MTHFS: variants seen among roughly 807,000 people sequenced by gnomAD.
MTHFS encodes the protein methenyltetrahydrofolate synthetase, also known as 5-formyltetrahydrofolate cyclo-ligase.
Under a neutral mutation model 12.7 loss-of-function variants are expected in MTHFS, and 7 were observed. The ratio of observed to expected loss-of-function variants is 0.55; its 90% CI spans 0.31 to 1.03. The LOEUF is 1.03. Ranked by LOEUF, MTHFS falls within the 50% of genes least tolerant of loss-of-function variation. The probability of loss-of-function intolerance (pLI) is 0.05; values close to 1 mark genes in which losing one functional copy is unlikely to be tolerated. For synonymous variants in MTHFS, 100 were observed against 97.1 expected (o/e 1.03, Z -0.18); for missense variants, 252 against 258.1 (o/e 0.98, Z 0.16).
At chr15:79,882,033 C>T (rs145173887) in intron 2 of MTHFS, among the ~76,000 whole-genome samples, 3 of 152,192 alleles carry the variant, frequency 2.0e-5, no homozygotes, top group African/African-American at 4.8e-5. Flanking sequence ...ATGGCATGTG[C>T]GATGTGCAAA....
chr15:79,851,732 CT>C (rs1406790086), intron 2 of MTHFS, among the ~76,000 whole-genome samples: 1 of 152,192 alleles, frequency 6.6e-6, no homozygotes, highest in Non-Finnish European at 1.5e-5. Context: ...AGAGACTCAG[CT>C]CATAAGAGGT....
chr15:79,871,666 C>G (rs1487733374), intron 2 of MTHFS, among the ~76,000 whole-genome samples: 1 of 151,466 alleles, frequency 6.6e-6, no homozygotes, highest in Non-Finnish European at 1.5e-5. Flanking sequence ...AAATTAATGC[C>G]AAACTTAAAG....
intron 2 of MTHFS, among the ~76,000 whole-genome samples, chr15:79,850,009 G>T (rs1341018373): frequency 3.3e-5 from 5 of 152,236 alleles, no homozygotes; most frequent in African/African-American, 1.2e-4. Context: ...AGGGGCATGG[G>T]CCCTCAGGCT....
chr15:79,889,456 T>C, intron 1 of MTHFS, 102 bp from the exon 2 acceptor site: 1 of 1,090,774 alleles, frequency 9.2e-7, no homozygotes, highest in Non-Finnish European at 1.2e-6. Context: ...TTTCTTTAAA[T>C]ATTAAAAAGA....
rs753635972 is a variant in MTHFS, at chr15:79,845,388, C to T, written c.434G>A (p.Arg145Gln). ...ATAGTAGCCCTTGCCCCTCCCCAGT[C>T]GGTTGCCATGTTTGTCAAACCCAAG... ...PGLGFDKHGNRLGRGKGYYDA... is the reference protein window; with the variant it reads ...PGLGFDKHGNQLGRGKGYYDA... Residue 145 changes from arginine to glutamine, a missense_variant, in exon 3 of 3, where the codon CGA becomes CAA. By Grantham distance (43) the Arg-to-Gln change is conservative. Transcript: ENST00000258874. 49 of 1,614,016 alleles carry T rather than the reference C, an allele frequency of 3.0e-5. No homozygotes were observed. Among genetic ancestry groups the T allele is most frequent in the Middle Eastern group, 1.6e-4 (1 of 6,084 alleles).
intron 2 of MTHFS, among the ~76,000 whole-genome samples, chr15:79,873,459 T>C (rs1017604695): frequency 6.6e-6 from 1 of 152,098 alleles, no homozygotes; most frequent in Admixed American, 6.6e-5. Context: ...ACATTATGCA[T>C]CTCTCCCACA....
intron 2 of MTHFS, among the ~76,000 whole-genome samples, chr15:79,848,856 C>T (rs2033664310): frequency 6.6e-6 from 1 of 152,084 alleles, no homozygotes; most frequent in South Asian, 2.1e-4. Flanking sequence ...CTCTTTCATC[C>T]TTGGATTTTA....
intron 2 of MTHFS, among the ~76,000 whole-genome samples, chr15:79,852,176 T>C (rs1468372288): frequency 1.3e-5 from 2 of 152,136 alleles, no homozygotes; most frequent in African/African-American, 2.4e-5. Flanking sequence ...TCATGATAGC[T>C]CTTGAGGCAG....
Position 79,889,993 on chromosome 15 carries a change from C to T in MTHFS, c.118-639G>A, listed in dbSNP as rs575080369. The stretch of plus-strand genomic sequence containing the variant: ...CTCTGAGGCAGAGAACATGCCTCTA[C>T]CATCCCCATCCCATTTCCTAAAATC... On this transcript the variant is annotated intron_variant, in intron 1 of 2. Coordinates refer to ENST00000258874, the MANE Select transcript of MTHFS (RefSeq NM_006441.4). Among the ~76,000 whole-genome samples the T allele has an allele frequency of 2.6e-5, 4 of 152,114 alleles. No individual in the cohort carries two copies. In the South Asian group the frequency reaches 6.2e-4, roughly 24 times the overall value.
At chr15:79,855,568 G>A (rs532548821) in intron 2 of MTHFS, among the ~76,000 whole-genome samples, 9 of 152,266 alleles carry the variant, frequency 5.9e-5, no homozygotes, top group African/African-American at 2.2e-4. Context: ...TGTTATACAA[G>A]TAAACTCATG....
At chr15:79,861,272 A>C (rs2033908584) in intron 2 of MTHFS, among the ~76,000 whole-genome samples, 1 of 152,088 alleles carries the variant, frequency 6.6e-6, no homozygotes, top group African/African-American at 2.4e-5. Context: ...TAAGACCAAA[A>C]CCTTGATCCT....
rs147755282 is a variant in MTHFS, at chr15:79,849,609, G to A, written c.380-4167C>T. Among the ~76,000 whole-genome samples, 336 of 152,306 alleles carry A rather than the reference G, an allele frequency of 2.2e-3. 1 individual carries two copies. Among genetic ancestry groups the A allele is most frequent in the Non-Finnish European group, 3.8e-3 (260 of 68,024 alleles). On this transcript the variant is annotated intron_variant, in intron 2 of 2. Transcript: ENST00000258874. ...GGAGACAGAAGAAAAACCTTAGTCC[G>A]TGCACAGTTCTGCATATGCCTCTGG...
intron 1 of MTHFS, 173 bp downstream of exon 1, chr15:79,896,699 C>G: frequency 8.2e-7 from 1 of 1,217,864 alleles, no homozygotes; most frequent in Non-Finnish European, 1.1e-6. Context: ...CAAGAGCGTC[C>G]AGACCACGAC....
At chr15:79,849,023 G>T (rs956588197) in intron 2 of MTHFS, among the ~76,000 whole-genome samples, 2 of 152,186 alleles carry the variant, frequency 1.3e-5, no homozygotes, top group Non-Finnish European at 2.9e-5. Context: ...ATATAACTTT[G>T]TATGGCTGCT....
intron 2 of MTHFS, among the ~76,000 whole-genome samples, chr15:79,850,645 T>C (rs556079646): frequency 6.6e-6 from 1 of 152,102 alleles, no homozygotes; most frequent in Non-Finnish European, 1.5e-5. Flanking sequence ...AGACGCAGTG[T>C]CAAATGTGGC....
chr15:79,876,249 T>C (rs967142076), intron 2 of MTHFS: 3 of 152,016 alleles, frequency 2.0e-5, no homozygotes, highest in African/African-American at 7.3e-5. Flanking sequence ...GCCAAGATAT[T>C]CAATTTAGCA....
At chr15:79,875,239 C>T (rs542445044) in intron 2 of MTHFS, among the ~76,000 whole-genome samples, 22 of 151,634 alleles carry the variant, frequency 1.5e-4, no homozygotes, top group East Asian at 3.9e-4. Flanking sequence ...CCGGTCCCTC[C>T]GTTCAGGGTC....
intron 2 of MTHFS, among the ~76,000 whole-genome samples, chr15:79,885,844 G>C (rs916055862): frequency 1.3e-5 from 2 of 152,228 alleles, no homozygotes; most frequent in African/African-American, 4.8e-5. Flanking sequence ...AAAGCCAAAA[G>C]GCAGAGATAG....
chr15:79,888,476 C>A (rs74783375), intron 2 of MTHFS, among the ~76,000 whole-genome samples: 1 of 152,036 alleles, frequency 6.6e-6, no homozygotes, highest in Admixed American at 6.5e-5. Context: ...GGAGAGGATG[C>A]AAGACATGGA....
Sources: allele counts gnomAD v4.1 joint callset (sites outside exome capture counted in the v4.1 genomes callset), GRCh38; gene constraint gnomAD v4.1.1; transcripts MANE v1.5; gene names NCBI Gene and HGNC (gene_info 2026-07-23, HGNC 2026-07-21).